The following LUZP2 variants were observed in gnomAD, a reference collection of about 807,000 sequenced individuals.
LUZP2 encodes leucine zipper protein 2.
Under a neutral mutation model 51.6 loss-of-function variants are expected in LUZP2, and 52 were observed. That is an observed-to-expected ratio of 1.01 (90% CI 0.81 to 1.27). The LOEUF is 1.27. Among genes scored for constraint, LUZP2 ranks in the 50% most tolerant of loss-of-function variants. The probability of loss-of-function intolerance (pLI) is 0.00; values close to 1 mark genes in which losing one functional copy is unlikely to be tolerated. For synonymous variants in LUZP2, 154 were observed against 137.3 expected, an observed-to-expected ratio of 1.12 and a Z score of -0.85; for missense variants, 436 against 395.4, an observed-to-expected ratio of 1.10 and a Z score of -0.87.
In LUZP2 at chr11:24,913,388, G is replaced by T. The variant is rs529971204; in HGVS notation, c.460-1088G>T. ...GCTCAGCAGTAGTCTAGTACTCCATGTCATGGATATACTACAATTTATCTC... is the reference window on the plus strand; with the variant it reads ...GCTCAGCAGTAGTCTAGTACTCCATTTCATGGATATACTACAATTTATCTC... On this transcript the variant is annotated intron_variant, in intron 6 of 11. Coordinates refer to ENST00000336930, the MANE Select transcript of LUZP2 (RefSeq NM_001009909.4). Among the ~76,000 whole-genome samples, 7 of 152,220 alleles carry T rather than the reference G, an allele frequency of 4.6e-5. No individual in the cohort carries two copies. The East Asian group carries it at 1.4e-3, about 29-fold the overall frequency.
At chr11:24,974,114 C>G (rs1264649409) in intron 7 of LUZP2, among the ~76,000 whole-genome samples, 1 of 152,046 alleles carries the variant, frequency 6.6e-6, no homozygotes, top group Non-Finnish European at 1.5e-5. Flanking sequence ...AATCTGGGTG[C>G]TCCTGTATTG....
At chr11:25,070,490 T>C (rs1018479543) in intron 10 of LUZP2, among the ~76,000 whole-genome samples, 4 of 151,862 alleles carry the variant, frequency 2.6e-5, no homozygotes, top group East Asian at 1.9e-4. Flanking sequence ...ATAGGAGTTA[T>C]ATTTCATCAC....
intron 1 of LUZP2, among the ~76,000 whole-genome samples, chr11:24,661,700 A>G (rs1321052930): frequency 6.6e-6 from 1 of 152,162 alleles, no homozygotes; most frequent in East Asian, 1.9e-4. Context: ...AGATTTCCCT[A>G]TGATTTGGGA....
intron 1 of LUZP2, among the ~76,000 whole-genome samples, chr11:24,589,753 C>G (rs12276414): frequency 0.44 from 66,551 of 151,842 alleles, 15,524 homozygotes; most frequent in East Asian, 0.59. Flanking sequence ...GAGAAATTCT[C>G]TCTTCTGATT....
At chr11:24,624,617 G>A (rs947754923) in intron 1 of LUZP2, among the ~76,000 whole-genome samples, 4 of 152,066 alleles carry the variant, frequency 2.6e-5, no homozygotes, top group Non-Finnish European at 5.9e-5. Flanking sequence ...TATAGGTGTG[G>A]ATTATATGGT....
intron 1 of LUZP2, among the ~76,000 whole-genome samples, chr11:24,647,037 T>G (rs1379195193): frequency 1.3e-5 from 2 of 152,144 alleles, no homozygotes; most frequent in Admixed American, 6.6e-5. Context: ...GAAGTTGGGA[T>G]TTGCATGAGT....
intron 10 of LUZP2, among the ~76,000 whole-genome samples, chr11:25,066,598 G>A (rs1000453151): frequency 2.0e-5 from 3 of 151,852 alleles, no homozygotes; most frequent in Admixed American, 6.6e-5. Flanking sequence ...TATAGGCAAT[G>A]GGAAATCACA....
At chr11:24,912,115 G>C (rs182257470) in intron 6 of LUZP2, among the ~76,000 whole-genome samples, 1 of 149,994 alleles carries the variant, frequency 6.7e-6, no homozygotes, top group Non-Finnish European at 1.5e-5. Context: ...TTTTCCTTTC[G>C]TTTCCTTTCC....
At chr11:24,610,658 T>G (rs1854088177) in intron 1 of LUZP2, among the ~76,000 whole-genome samples, 1 of 152,180 alleles carries the variant, frequency 6.6e-6, no homozygotes, top group African/African-American at 2.4e-5. Context: ...TTTTCAAGAA[T>G]TCACGGGCAT....
intron 7 of LUZP2, among the ~76,000 whole-genome samples, chr11:24,929,666 T>C (rs571870244): frequency 2.2e-3 from 329 of 152,274 alleles, no homozygotes; most frequent in Middle Eastern, 0.01. Flanking sequence ...GAATGTTCCA[T>C]GTGCCAATGA....
chr11:24,763,434 T>A (rs1196169770), intron 5 of LUZP2, 126 bp downstream of exon 5: 1 of 394,920 alleles, frequency 2.5e-6, no homozygotes, highest in Non-Finnish European at 4.6e-6. Flanking sequence ...TATAAACTAA[T>A]GTAGAGAAAT....
At chr11:24,867,696 G>A (rs545570836) in intron 5 of LUZP2, among the ~76,000 whole-genome samples, 1 of 152,214 alleles carries the variant, frequency 6.6e-6, no homozygotes, top group South Asian at 2.1e-4. Flanking sequence ...CAAGTTCACA[G>A]TAGAAAGTTC....
intron 1 of LUZP2, among the ~76,000 whole-genome samples, chr11:24,504,505 T>A (rs187093866): frequency 6.6e-6 from 1 of 152,214 alleles, no homozygotes; most frequent in Admixed American, 6.5e-5. Context: ...TTTTCCCCTC[T>A]GTAAAAAGTA....
At chr11:24,765,784 G>A (rs372285709) in intron 5 of LUZP2, among the ~76,000 whole-genome samples, 2 of 151,704 alleles carry the variant, frequency 1.3e-5, no homozygotes, top group African/African-American at 2.4e-5. Flanking sequence ...CCGCCACCAC[G>A]CCTGGCTAAT....
intron 9 of LUZP2, among the ~76,000 whole-genome samples, chr11:25,026,504 A>G (rs1352843230): frequency 6.6e-6 from 1 of 151,364 alleles, no homozygotes. Context: ...ATGTAGGTTA[A>G]AAGAACTTAA....
rs190771353 is a variant in LUZP2 at position 25,034,634 on chromosome 11, C to T, written c.766-15404C>T. ...GTAGGGGTCCAGCTTCAATCTTCTA[C>T]GTGTGGTTAGCCAGTTATCCCAGTT... On this transcript the variant is annotated intron_variant, in intron 9 of 11. Coordinates refer to ENST00000336930, the MANE Select transcript of LUZP2 (RefSeq NM_001009909.4). Among the ~76,000 whole-genome samples, 347 of 152,242 alleles carry T rather than the reference C, an allele frequency of 2.3e-3. 1 individual carries two copies. The highest frequency in any genetic ancestry group is 7.9e-3 in the African/African-American group (329 of 41,560).
At chr11:24,943,638 G>A (rs946109759) in intron 7 of LUZP2, among the ~76,000 whole-genome samples, 6 of 152,106 alleles carry the variant, frequency 3.9e-5, no homozygotes, top group Non-Finnish European at 8.8e-5. Flanking sequence ...AGCACTTTGG[G>A]AGGCCAAGGT....
At chr11:24,834,635 G>T (rs1217481214) in intron 5 of LUZP2, among the ~76,000 whole-genome samples, 1 of 152,176 alleles carries the variant, frequency 6.6e-6, no homozygotes, top group African/African-American at 2.4e-5. Flanking sequence ...GGGTCAAATG[G>T]TATTTCTGGT....
chr11:24,618,924 C>T (rs975786454), intron 1 of LUZP2, among the ~76,000 whole-genome samples: 1 of 152,040 alleles, frequency 6.6e-6, no homozygotes, highest in African/African-American at 2.4e-5. Flanking sequence ...GTGAAACTTG[C>T]CATCATGCTT....
Sources: allele counts gnomAD v4.1 joint callset (sites outside exome capture counted in the v4.1 genomes callset), GRCh38; gene constraint gnomAD v4.1.1; transcripts MANE v1.5; gene names NCBI Gene and HGNC (gene_info 2026-07-23, HGNC 2026-07-21).